The following MAP3K13 variants were observed in gnomAD, a reference collection of about 807,000 sequenced individuals.
MAP3K13 encodes the protein mitogen-activated protein kinase kinase kinase 13, also known as leucine zipper-bearing kinase.
A neutral mutation model predicts 104.0 loss-of-function variants in MAP3K13; 52 were observed. That is an observed-to-expected ratio of 0.50 (90% CI 0.40 to 0.63). The LOEUF is 0.63. Ranked by LOEUF, MAP3K13 falls within the 20% of genes least tolerant of loss-of-function variation. The probability of loss-of-function intolerance (pLI) is 0.00; values close to 1 mark genes in which losing one functional copy is unlikely to be tolerated. For synonymous variants in MAP3K13, 394 were observed against 442.2 expected (o/e 0.89, Z 1.37); for missense variants, 914 against 1,218.5 (o/e 0.75, Z 3.72).
At position 185,463,644 on chromosome 3, in the gene MAP3K13, G is replaced by A. The variant is rs1717243247; in HGVS notation, c.1373G>A (p.Arg458His). The A allele has an allele frequency of 7.5e-6, 12 of 1,609,630 alleles. No individual in the cohort carries two copies. Among genetic ancestry groups the A allele is most frequent in the Non-Finnish European group, 1.0e-5 (12 of 1,176,318 alleles). ...HRLDEELIRR[R>H]REELRHALDI... Reference sequence around the variant, plus strand: ...TTAGATGAAGAACTGATTCGAAGGCGCAGAGAAGAGCTCAGGTCAGCTCAT... The same window carrying A: ...TTAGATGAAGAACTGATTCGAAGGCACAGAGAAGAGCTCAGGTCAGCTCAT... Residue 458 changes from arginine (R) to histidine (H), a missense_variant, in exon 8 of 14, where the codon CGC becomes CAC. Transcript: ENST00000265026.
intron 1 of MAP3K13, among the ~76,000 whole-genome samples, chr3:185,398,811 T>C (rs1712585000): frequency 6.6e-6 from 1 of 152,218 alleles, no homozygotes; most frequent in South Asian, 2.1e-4. Flanking sequence ...AGATGCTAAG[T>C]GCTCAGAGTC....
chr3:185,390,665 C>T (rs1711991978), intron 1 of MAP3K13, among the ~76,000 whole-genome samples: 1 of 145,346 alleles, frequency 6.9e-6, no homozygotes, highest in African/African-American at 2.6e-5. Context: ...TGCTCTGTCG[C>T]CAGGCTGGAG....
intron 1 of MAP3K13, among the ~76,000 whole-genome samples, chr3:185,405,693 G>A (rs938456695): frequency 6.6e-6 from 1 of 152,180 alleles, no homozygotes; most frequent in African/African-American, 2.4e-5. Context: ...CTTTTTCTGT[G>A]AAGTTTTCTC....
chr3:185,332,176 A>G (rs1016618362), intron 2 of MAP3K13, among the ~76,000 whole-genome samples: 6 of 152,184 alleles, frequency 3.9e-5, no homozygotes, highest in Non-Finnish European at 8.8e-5. Context: ...ATCAAAAGGT[A>G]TCATAAATAT....
chr3:185,396,643 A>G (rs540810168), intron 1 of MAP3K13, among the ~76,000 whole-genome samples: 1 of 152,290 alleles, frequency 6.6e-6, no homozygotes, highest in Admixed American at 6.5e-5. Context: ...AACAGTGATT[A>G]CTGTTATTTG....
At chr3:185,454,975 A>G (rs1373052846) in intron 7 of MAP3K13, among the ~76,000 whole-genome samples, 2 of 70,834 alleles carry the variant, frequency 2.8e-5, no homozygotes, top group East Asian at 3.9e-4. Context: ...AGATATATAT[A>G]TGATATATAT....
chr3:185,396,244 A>T (rs561790833), intron 1 of MAP3K13, among the ~76,000 whole-genome samples: 1 of 152,080 alleles, frequency 6.6e-6, no homozygotes, highest in African/African-American at 2.4e-5. Flanking sequence ...GGTGGTGCGC[A>T]TCTGTAGTCC....
At chr3:185,332,402 TGGTTAAAAATCCTATAACATA>T (rs1722320554) in intron 2 of MAP3K13, among the ~76,000 whole-genome samples, 1 of 152,250 alleles carries the variant, frequency 6.6e-6, no homozygotes, top group Admixed American at 6.5e-5. Flanking sequence ...TTTTTAATTG[TGGTTAAAAATCCTATAACATA>T]GGTAACCATT....
chr3:185,312,704 A>G (rs187171935), intron 2 of MAP3K13, among the ~76,000 whole-genome samples: 1 of 152,352 alleles, frequency 6.6e-6, no homozygotes, highest in Non-Finnish European at 1.5e-5. Context: ...TTACATAATT[A>G]TATGCAAACT....
At chr3:185,474,760 A>C (rs1263383434) in intron 11 of MAP3K13, among the ~76,000 whole-genome samples, 5 of 152,106 alleles carry the variant, frequency 3.3e-5, no homozygotes, top group Admixed American at 3.3e-4. Context: ...CTACCATAGC[A>C]GTTAAGAGCA....
At chr3:185,357,477 A>C (rs1206135699) in intron 2 of MAP3K13, among the ~76,000 whole-genome samples, 1 of 151,596 alleles carries the variant, frequency 6.6e-6, no homozygotes, top group Non-Finnish European at 1.5e-5. Context: ...AGAAAAAAAG[A>C]AAAAGAAAGA....
At chr3:185,421,045 C>A (rs1024115264) in intron 1 of MAP3K13, among the ~76,000 whole-genome samples, 1 of 152,126 alleles carries the variant, frequency 6.6e-6, no homozygotes, top group African/African-American at 2.4e-5. Context: ...AGGGCAGATA[C>A]GGGAGCACTT....
chr3:185,355,461 T>TGTC (rs1723312968), intron 2 of MAP3K13, among the ~76,000 whole-genome samples: 1 of 80,916 alleles, frequency 1.2e-5, no homozygotes, highest in South Asian at 4.7e-4. Context: ...AGCGAAACTC[T>TGTC]GTCTCAAAAA....
Position 185,450,172 on chromosome 3 carries a change from C to T in MAP3K13, c.1169+114C>T. 2 of 928,178 alleles carry T rather than the reference C, an allele frequency of 2.2e-6. No homozygotes were observed. The highest frequency in any genetic ancestry group is 3.1e-6 in the Non-Finnish European group (2 of 655,196). The allele number at this position is 928,178 out of a possible 1,614,324, so 57.5% of individuals were successfully genotyped here. ...AGTAGGAGAATCTTGGGTTCAAATA[C>T]TAGCTCTGCCCCTTTCTATCTGTGC... On this transcript the variant is annotated intron_variant, in intron 6 of 13. Transcript: ENST00000265026. This position sits in a 1 kb window ranked among gnomAD's most constrained non-coding sequence, Gnocchi z 4.2.
At chr3:185,312,440 G>A (rs1721526907) in intron 2 of MAP3K13, among the ~76,000 whole-genome samples, 2 of 152,222 alleles carry the variant, frequency 1.3e-5, no homozygotes, top group Admixed American at 1.3e-4. Context: ...TTCTATCTCA[G>A]CAGGATTCTG....
At chr3:185,451,641 C>A in intron 7 of MAP3K13, 1 of 336,200 alleles carries the variant, frequency 3.0e-6, no homozygotes. Flanking sequence ...CCGAGCCAGG[C>A]AGATCACCTG....
At chr3:185,430,369 C>T (rs1237772273) in intron 2 of MAP3K13, among the ~76,000 whole-genome samples, 1 of 152,040 alleles carries the variant, frequency 6.6e-6, no homozygotes, top group African/African-American at 2.4e-5. Flanking sequence ...TATAGGTAAA[C>T]TTGTGCCATG....
chr3:185,383,478 C>T (rs867438978), intron 1 of MAP3K13, among the ~76,000 whole-genome samples: 15 of 150,666 alleles, frequency 1.0e-4, no homozygotes, highest in South Asian at 6.3e-4. Context: ...AGGAGAATGG[C>T]GTGAACCCGG....
At chr3:185,425,580 G>A (rs969369622) in intron 1 of MAP3K13, among the ~76,000 whole-genome samples, 3 of 152,108 alleles carry the variant, frequency 2.0e-5, no homozygotes, top group African/African-American at 4.8e-5. Context: ...TTCTATAGAC[G>A]TGATTTTAAT....
Sources: allele counts gnomAD v4.1 joint callset (sites outside exome capture counted in the v4.1 genomes callset), GRCh38; gene constraint gnomAD v4.1.1; non-coding constraint Gnocchi (gnomAD v3.1); transcripts MANE v1.5; gene names NCBI Gene and HGNC (gene_info 2026-07-23, HGNC 2026-07-21).